VSIG1: variants seen among roughly 807,000 people sequenced by gnomAD.
The protein encoded by VSIG1 is V-set and immunoglobulin domain containing 1.
VSIG1 carries 11 observed loss-of-function variants against 20.1 expected under a neutral mutation model. The ratio of observed to expected loss-of-function variants is 0.55; its 90% CI spans 0.34 to 0.91. The LOEUF is 0.91. Ranked by LOEUF, VSIG1 falls within the 40% of genes least tolerant of loss-of-function variation. The pLI is 0.02. For missense variants in VSIG1, 283 were observed against 298.8 expected, an observed-to-expected ratio of 0.95 and a Z score of 0.39; for synonymous variants, 126 against 116.7, an observed-to-expected ratio of 1.08 and a Z score of -0.52.
At chrX:108,047,799 T>TATATATATATATATATATAC (rs1555980244) in intron 1 of VSIG1, among the ~76,000 whole-genome samples, 2 of 68,561 alleles carry the variant, frequency 2.9e-5, no homozygotes, top group Non-Finnish European at 2.6e-5. Context: ...TCTATATATA[T>TATATATATATATATATATAC]ATATATATAC....
chrX:108,021,045 GTTGAGGCAGAGACAGGTC>G, the VSIG1 span, among the ~76,000 whole-genome samples: 1 of 112,014 alleles, frequency 8.9e-6, no homozygotes, highest in East Asian at 2.8e-4. Context: ...CTTCCCATGA[GTTGAGGCAGAGACAGGTC>G]TCCTGTCAGG....
chrX:108,075,268 G>A (rs1180047152), intron 5 of VSIG1, among the ~76,000 whole-genome samples: 1 of 111,828 alleles, frequency 8.9e-6, no homozygotes, highest in Non-Finnish European at 1.9e-5. Context: ...AAACATGGGG[G>A]CAAGAAGACT....
At chrX:108,073,121 T>C (rs1256004059) in intron 4 of VSIG1, 129 bp from the exon 5 acceptor site, 5 of 829,688 alleles carry the variant, frequency 6.0e-6, no homozygotes, top group African/African-American at 2.1e-5. Flanking sequence ...AGGGGCCTAG[T>C]TGAATCCTGA....
At chrX:108,036,822 G>A in the VSIG1 span, among the ~76,000 whole-genome samples, 29 of 112,019 alleles carry the variant, frequency 2.6e-4, no homozygotes, top group African/African-American at 8.4e-4. Context: ...ATTTAGGGAC[G>A]TGTGGTCACA....
chrX:108,035,093 T>C, the VSIG1 span, among the ~76,000 whole-genome samples: 19 of 112,022 alleles, frequency 1.7e-4, no homozygotes, highest in Non-Finnish European at 1.3e-4. Context: ...CTAACTCCTG[T>C]CTTAACAATT....
chrX:108,057,988 T>C (rs1443745802), intron 1 of VSIG1, 50 bp from the exon 2 acceptor site: 1 of 1,110,526 alleles, frequency 9.0e-7, no homozygotes, highest in Non-Finnish European at 1.2e-6. Context: ...GAAACAGTGT[T>C]ATCAGAATTT....
chrX:108,067,448 G>T (rs2031155957), intron 3 of VSIG1, among the ~76,000 whole-genome samples: 1 of 111,619 alleles, frequency 9.0e-6, no homozygotes, highest in Non-Finnish European at 1.9e-5. Flanking sequence ...CCCACAAAAT[G>T]ATCACTAGCA....
At chrX:108,026,649 A>T in the VSIG1 span, among the ~76,000 whole-genome samples, 1 of 111,311 alleles carries the variant, frequency 9.0e-6, no homozygotes, top group Non-Finnish European at 1.9e-5. Flanking sequence ...TGCTAACTTG[A>T]CTTCAGGAAG....
chrX:108,073,295 A>T lies in VSIG1; in HGVS notation c.614A>T (p.Glu205Val). ...ILVIGNLTNF[E>V]QGYYQCTAIN... ...GTCATTGGAAATCTGACAAATTTTG[A>T]ACAAGGTTATTACCAGTGTACTGCC... Residue 205 changes from glutamate (E) to valine (V), a missense_variant, in exon 5 of 7, where the codon GAA becomes GTA. Physicochemically the swap from Glu to Val is moderately radical, Grantham distance 121. Transcript: ENST00000217957. 1 of 1,211,478 alleles carries T rather than the reference A, an allele frequency of 8.3e-7. No individual in the cohort carries two copies. The highest frequency in any genetic ancestry group is 1.1e-6 in the Non-Finnish European group (1 of 895,251).
At chrX:108,058,572 C>T (rs750530670) in intron 2 of VSIG1, among the ~76,000 whole-genome samples, 2 of 111,596 alleles carry the variant, frequency 1.8e-5, no homozygotes, top group Admixed American at 1.9e-4. Flanking sequence ...AATGCAAGTC[C>T]TGATTGATCT....
rs2030542101 is a variant in VSIG1, at chrX:108,045,078, G to T, written c.-53G>T. 4 of 1,095,037 alleles carry T rather than the reference G, an allele frequency of 3.7e-6. No homozygotes were observed. The highest frequency in any genetic ancestry group is 4.9e-6 in the Non-Finnish European group (4 of 818,728). 90.2% of individuals were successfully genotyped at this position (1,095,037 alleles called of 1,213,427 possible). On this transcript the variant is annotated 5_prime_UTR_variant, in exon 1 of 7. Coordinates refer to ENST00000217957, the MANE Select transcript of VSIG1 (RefSeq NM_182607.5). ...ATCGAAGAAGCCAATTTGAGACTCA[G>T]CCTAGTCCAGGCAAGCTACTGGCAC...
chrX:108,032,676 T>C, the VSIG1 span, among the ~76,000 whole-genome samples: 1 of 110,940 alleles, frequency 9.0e-6, no homozygotes, highest in East Asian at 2.9e-4. Context: ...GCATACCAAA[T>C]GGAAGGAACA....
chrX:108,046,856 T>C (rs1313016383), intron 1 of VSIG1, among the ~76,000 whole-genome samples: 1 of 110,798 alleles, frequency 9.0e-6, no homozygotes, highest in Admixed American at 9.7e-5. Flanking sequence ...TACTTCAGAG[T>C]GTGTTTCCTA....
Position 108,054,113 on chromosome X carries a change from A to G in VSIG1, c.50-3925A>G, listed in dbSNP as rs145410239. On this transcript the variant is annotated intron_variant, in intron 1 of 6. Transcript: ENST00000217957. ...AAGTATTAATTTTTCAAAAATCTGG[A>G]GAAGCTTCATTAATATCTGATAAAA... Among the ~76,000 whole-genome samples the G allele has an allele frequency of 1.1e-4, 12 of 112,020 alleles. 1 individual carries two copies. Among genetic ancestry groups the G allele is most frequent in the African/African-American group, 3.9e-4 (12 of 30,949 alleles).
chrX:108,060,634 A>T (rs1469392021), intron 2 of VSIG1, among the ~76,000 whole-genome samples: 3 of 111,613 alleles, frequency 2.7e-5, no homozygotes, highest in African/African-American at 9.8e-5. Flanking sequence ...TGGAAATCTC[A>T]TGATGAATGT....
At chrX:108,074,618 A>C (rs1004831434) in intron 5 of VSIG1, among the ~76,000 whole-genome samples, 1 of 112,210 alleles carries the variant, frequency 8.9e-6, no homozygotes, top group Non-Finnish European at 1.9e-5. Context: ...ACACAACTAA[A>C]ACATGCTAAA....
At chrX:108,075,431 A>G (rs2031330784) in intron 5 of VSIG1, among the ~76,000 whole-genome samples, 1 of 111,760 alleles carries the variant, frequency 8.9e-6, no homozygotes, top group Admixed American at 9.5e-5. Flanking sequence ...AAAAAGTTAA[A>G]GGAATTATTA....
At chrX:108,031,764 G>A in the VSIG1 span, among the ~76,000 whole-genome samples, 1 of 112,047 alleles carries the variant, frequency 8.9e-6, no homozygotes, top group African/African-American at 3.2e-5. Context: ...CATATTTATC[G>A]TGTACAACAT....
chrX:108,066,171 T>C (rs944878141), intron 2 of VSIG1, among the ~76,000 whole-genome samples: 34 of 112,010 alleles, frequency 3.0e-4, no homozygotes, highest in African/African-American at 1.0e-3. Context: ...AAATGAGCCC[T>C]TGTGGCTTCA....
Sources: gnomAD v4.1 joint callset for allele counts (sites outside exome capture counted in the v4.1 genomes callset) on GRCh38, gnomAD v4.1.1 for gene constraint, MANE v1.5 for transcripts, NCBI Gene and HGNC (gene_info 2026-07-23, HGNC 2026-07-21) for gene names.